AFTPH: variants seen among roughly 807,000 people sequenced by gnomAD.
AFTPH encodes the protein aftiphilin, also known as aftiphilin protein.
AFTPH carries 7 observed loss-of-function variants against 72.5 expected under a neutral mutation model. The observed-to-expected ratio is 0.10, with a 90% CI of 0.05 to 0.18. AFTPH has a LOEUF of 0.18. Among genes scored for constraint, AFTPH ranks in the 10% least tolerant of loss-of-function variants. The pLI, the probability that AFTPH is intolerant of heterozygous loss-of-function variation, is 1.00. For missense variants in AFTPH, 979 were observed against 1,060.5 expected (o/e 0.92, Z 1.07); for synonymous variants, 337 against 370.1 (o/e 0.91, Z 1.03).
intron 5 of AFTPH, among the ~76,000 whole-genome samples, chr2:64,571,286 A>G (rs913635027): frequency 1.4e-5 from 2 of 145,592 alleles, no homozygotes; most frequent in Admixed American, 6.9e-5. Context: ...TTTCTTTTTC[A>G]GTATTTCTGA....
chr2:64,547,767 A>G (rs1365261806), intron 1 of AFTPH, among the ~76,000 whole-genome samples: 2 of 151,672 alleles, frequency 1.3e-5, no homozygotes, highest in East Asian at 3.9e-4. Context: ...ATCTTTATTA[A>G]TGCTTTTAAA....
intron 6 of AFTPH, among the ~76,000 whole-genome samples, chr2:64,574,658 C>A (rs1672657377): frequency 1.3e-5 from 2 of 152,194 alleles, no homozygotes; most frequent in Admixed American, 6.5e-5. Context: ...TTAAATGTTA[C>A]TTTGAAGCCA....
At chr2:64,574,068 A>T (rs978073721) in intron 6 of AFTPH, among the ~76,000 whole-genome samples, 1 of 152,180 alleles carries the variant, frequency 6.6e-6, no homozygotes, top group Non-Finnish European at 1.5e-5. Context: ...TTCGGGTAAA[A>T]TGGGCCATTT....
exon 9 of AFTPH, chr2:64,592,452 C>G (rs1200160587): frequency 6.5e-6 from 1 of 152,846 alleles, no homozygotes; most frequent in East Asian, 1.9e-4. Flanking sequence ...TGTCAAATTA[C>G]TTTTGCTATC....
At chr2:64,563,626 G>GT (rs1387036962) in intron 2 of AFTPH, among the ~76,000 whole-genome samples, 1 of 152,176 alleles carries the variant, frequency 6.6e-6, no homozygotes, top group Non-Finnish European at 1.5e-5. Context: ...ATTTTTGAAT[G>GT]TTTAACTTTA....
chr2:64,553,075 G>A, exon 2 of AFTPH: 2 of 1,614,172 alleles, frequency 1.2e-6, no homozygotes, highest in Non-Finnish European at 1.7e-6. Context: ...GGGCAAGAAG[G>A]TGAGATTGGA....
intron 2 of AFTPH, among the ~76,000 whole-genome samples, chr2:64,560,620 C>T (rs1449258548): frequency 6.6e-6 from 1 of 152,106 alleles, no homozygotes; most frequent in Admixed American, 6.5e-5. Context: ...TGCCTGTAAT[C>T]CCAGCACTTT....
At chr2:64,556,774 G>A (rs1367969321) in intron 2 of AFTPH, among the ~76,000 whole-genome samples, 1 of 152,206 alleles carries the variant, frequency 6.6e-6, no homozygotes, top group Non-Finnish European at 1.5e-5. Context: ...ATTCTCAGCT[G>A]TGGGTCCAGC....
At chr2:64,551,504 T>A in exon 2 of AFTPH, 1 of 1,614,016 alleles carries the variant, frequency 6.2e-7, no homozygotes, top group Non-Finnish European at 8.5e-7. Context: ...GAATGTACTC[T>A]TCATCCCCAC....
chr2:64,583,901 T>C (rs1971711), intron 7 of AFTPH, among the ~76,000 whole-genome samples: 15,589 of 152,116 alleles, frequency 0.1, 2,190 homozygotes, highest in African/African-American at 0.31. Flanking sequence ...TTCTGTAAAG[T>C]TGGTTAATAG....
Position 64,548,407 on chromosome 2 carries a change from GAAAAAAAAAAA to G in AFTPH, c.-32-3018_-32-3008del, listed in dbSNP as rs57995634. ...AGAGCGAGACTCCGTCTCAAAAAAA[GAAAAAAAAAAA>G]AAAAAAAAAAAAAAAAACTTTAGAA... is the stretch of plus-strand genomic sequence containing the variant. On this transcript the variant is annotated intron_variant, in intron 1 of 8. Coordinates refer to ENST00000238856, the Ensembl canonical transcript of AFTPH. 3.2e-4 allele frequency among the ~76,000 whole-genome samples: 19 copies of G among 59,990 alleles called. No individual in the cohort carries two copies. The Admixed American group carries it at 3.2e-3, about 10-fold the overall frequency. 39.4% of individuals were successfully genotyped at this position (59,990 alleles called of 152,430 possible). A position where few individuals can be genotyped will look rare whatever the true frequency, so the allele number is the denominator to read the frequency against.
At chr2:64,579,939 C>T (rs978634783) in intron 7 of AFTPH, 2 of 164,190 alleles carry the variant, frequency 1.2e-5, no homozygotes, top group African/African-American at 4.8e-5. Flanking sequence ...AAGCACAAAG[C>T]ACAATTATTT....
intron 1 of AFTPH, among the ~76,000 whole-genome samples, chr2:64,549,791 A>G (rs1281961280): frequency 6.6e-6 from 1 of 151,822 alleles, no homozygotes; most frequent in Non-Finnish European, 1.5e-5. Context: ...GAAAAAAAAA[A>G]TTCACCTTAC....
chr2:64,587,606 T>TAGACTATAGGGTA (rs1158293986), intron 8 of AFTPH, among the ~76,000 whole-genome samples: 2 of 152,226 alleles, frequency 1.3e-5, no homozygotes, highest in Non-Finnish European at 2.9e-5. Flanking sequence ...GGCATTTTGA[T>TAGACTATAGGGTA]AGACTATAGG....
chr2:64,567,676 T>C (rs765334643), exon 3 of AFTPH: 1 of 1,613,646 alleles, frequency 6.2e-7, no homozygotes, highest in South Asian at 1.1e-5. Context: ...AACAAGCACT[T>C]TGCCAATAAA....
intron 1 of AFTPH, among the ~76,000 whole-genome samples, chr2:64,543,656 A>G (rs932007005): frequency 2.0e-5 from 3 of 152,222 alleles, no homozygotes; most frequent in Non-Finnish European, 2.9e-5. Context: ...CTGCAGTGGC[A>G]TCTTTATCAC....
chr2:64,546,550 C>T lies in AFTPH; in HGVS notation c.-32-4893C>T, dbSNP rs541657428. ...TAAAATACACATATTTAAATGTAGG[C>T]ATATAAATCTCTTTGAATGCTTTTT... On this transcript the variant is annotated intron_variant, in intron 1 of 8. Coordinates refer to ENST00000238856, the Ensembl canonical transcript of AFTPH. Among the ~76,000 whole-genome samples the T allele has an allele frequency of 1.8e-3, 266 of 151,932 alleles. 1 individual carries two copies. Among genetic ancestry groups the T allele is most frequent in the Middle Eastern group, 0.014 (4 of 294 alleles).
intron 1 of AFTPH, among the ~76,000 whole-genome samples, chr2:64,529,252 T>G (rs1669458285): frequency 6.6e-6 from 1 of 152,164 alleles, no homozygotes; most frequent in African/African-American, 2.4e-5. Flanking sequence ...TGCTTTATCT[T>G]TAATGACTAC....
At chr2:64,534,207 T>G (rs960898293) in intron 1 of AFTPH, among the ~76,000 whole-genome samples, 2 of 152,196 alleles carry the variant, frequency 1.3e-5, no homozygotes, top group African/African-American at 4.8e-5. Context: ...GCTAAAATAC[T>G]TCTGCTACAG....
Sources: gnomAD v4.1 joint callset for allele counts (sites outside exome capture counted in the v4.1 genomes callset) on GRCh38, gnomAD v4.1.1 for gene constraint, MANE v1.5 for transcripts, NCBI Gene and HGNC (gene_info 2026-07-23, HGNC 2026-07-21) for gene names.